Variants in STAT4 observed in about 807,000 individuals in gnomAD.
STAT4 encodes signal transducer and activator of transcription 4.
A neutral mutation model predicts 110.5 loss-of-function variants in STAT4; 42 were observed. That is an observed-to-expected ratio of 0.38 (90% CI 0.30 to 0.49). The LOEUF (loss-of-function observed/expected upper bound fraction) is 0.49. STAT4 is among the 20% of genes least tolerant of loss of function. The pLI, the probability that STAT4 is intolerant of heterozygous loss-of-function variation, is 0.95. For synonymous variants in STAT4, 284 were observed against 302.2 expected (o/e 0.94, Z 0.63); for missense variants, 632 against 887.9 (o/e 0.71, Z 3.66).
In STAT4 at chr2:191,080,898, T is replaced by C. The variant is rs150545191; in HGVS notation, c.274-4573A>G. Among the ~76,000 whole-genome samples the C allele has an allele frequency of 8.0e-3, 1,215 of 152,258 alleles. 16 individuals are homozygous for C. Among genetic ancestry groups the C allele is most frequent in the Middle Eastern group, 0.037 (11 of 294 alleles). ...TTAAGTTCTGGGATACATGTGCAGG[T>C]TTGTTACATAGGTATACATGTGCCA... On this transcript the variant is annotated intron_variant, in intron 3 of 23. Transcript: ENST00000392320.
At chr2:191,034,354 C>T (rs1381973380) in intron 18 of STAT4, among the ~76,000 whole-genome samples, 194 bp downstream of exon 18, 1 of 148,984 alleles carries the variant, frequency 6.7e-6, no homozygotes, top group Non-Finnish European at 1.5e-5. Context: ...ACCCGGGAGG[C>T]AGAGCTTGCA....
chr2:191,081,669 G>C (rs2125284090), intron 3 of STAT4, among the ~76,000 whole-genome samples: 1 of 152,070 alleles, frequency 6.6e-6, no homozygotes, highest in South Asian at 2.1e-4. Flanking sequence ...CATATCCTTT[G>C]CCCACATAAA....
chr2:191,054,662 A>G (rs1696625539), intron 13 of STAT4, 128 bp from the exon 14 acceptor site: 1 of 728,416 alleles, frequency 1.4e-6, no homozygotes, highest in Non-Finnish European at 2.3e-6. Context: ...ATATTTTCAA[A>G]CTCATTGAAA....
At position 191,043,815 on chromosome 2, in the gene STAT4, T is replaced by C. The variant is rs1381092680; in HGVS notation, c.1252-2667A>G. Among the ~76,000 whole-genome samples the C allele has an allele frequency of 1.3e-5, 2 of 152,126 alleles. No individual in the cohort carries two copies. The highest frequency in any genetic ancestry group is 2.4e-5 in the African/African-American group (1 of 41,418). On this transcript the variant is annotated intron_variant, in intron 14 of 23. Transcript: ENST00000392320. This position sits in a 1 kb window ranked among gnomAD's most constrained non-coding sequence, Gnocchi z 4.8. ...GTAGGAATGAGTCTCAGAAAATATTTTGTTGAGCAAGAAAAGCAAGTTGTG... is the reference window on the plus strand; with the variant it reads ...GTAGGAATGAGTCTCAGAAAATATTCTGTTGAGCAAGAAAAGCAAGTTGTG...
At chr2:191,118,069 T>A (rs1698618480) in intron 3 of STAT4, among the ~76,000 whole-genome samples, 1 of 152,122 alleles carries the variant, frequency 6.6e-6, no homozygotes, top group Admixed American at 6.6e-5. Context: ...ATTAAAACAC[T>A]TTATACCACT....
chr2:191,070,140 T>C (rs1347051808), intron 5 of STAT4, among the ~76,000 whole-genome samples: 3 of 152,200 alleles, frequency 2.0e-5, no homozygotes, highest in Non-Finnish European at 2.9e-5. Flanking sequence ...TACTAATGTA[T>C]CAATGATCAC....
At position 191,131,813 on chromosome 2, in the gene STAT4, C is replaced by A. The variant is rs1393651157; in HGVS notation, c.273+14800G>T. 5 of 1,387,552 alleles carry A rather than the reference C, an allele frequency of 3.6e-6. No homozygotes were observed. In the South Asian group the frequency reaches 7.1e-5, roughly 20 times the overall value. The allele number at this position is 1,387,552 out of a possible 1,614,324, so 86.0% of individuals were successfully genotyped here. A position where few individuals can be genotyped will look rare whatever the true frequency, so the allele number is the denominator to read the frequency against. ...CATCTGAATGTCCCAGGTGAAGAAG[C>A]TAAGTCCTAGGGACAAGATTTGGAC... On this transcript the variant is annotated intron_variant, in intron 3 of 23. Coordinates refer to ENST00000392320, the MANE Select transcript of STAT4 (RefSeq NM_003151.4).
At position 191,113,025 on chromosome 2, in the gene STAT4, C is replaced by T. The variant is rs960709229; in HGVS notation, c.273+33588G>A. Among the ~76,000 whole-genome samples, 2 of 152,236 alleles carry T rather than the reference C, an allele frequency of 1.3e-5. No homozygotes were observed. Among genetic ancestry groups the T allele is most frequent in the African/African-American group, 2.4e-5 (1 of 41,462 alleles). ...TCTTGCCCATCTGGGAATACTCACA[C>T]GAGTAGGGCAAGTGGGCCCATCAGT... is the stretch of plus-strand genomic sequence containing the variant. On this transcript the variant is annotated intron_variant, in intron 3 of 23. Coordinates refer to ENST00000392320, the MANE Select transcript of STAT4 (RefSeq NM_003151.4). This position sits in a 1 kb window ranked among gnomAD's most constrained non-coding sequence, Gnocchi z 4.8.
At chr2:191,094,690 C>T (rs1697910967) in intron 3 of STAT4, among the ~76,000 whole-genome samples, 1 of 151,928 alleles carries the variant, frequency 6.6e-6, no homozygotes, top group South Asian at 2.1e-4. Context: ...AACTAATGGG[C>T]AAAATAACAA....
intron 17 of STAT4, among the ~76,000 whole-genome samples, 182 bp from the exon 18 acceptor site, chr2:191,034,779 T>G (rs1695999127): frequency 6.6e-6 from 1 of 152,186 alleles, no homozygotes; most frequent in Admixed American, 6.5e-5. Context: ...CCTAAGAAAT[T>G]TATTATCTAG....
intron 3 of STAT4, among the ~76,000 whole-genome samples, chr2:191,084,261 A>G (rs1441574976): frequency 8.4e-6 from 1 of 118,914 alleles, no homozygotes; most frequent in Non-Finnish European, 1.8e-5. Context: ...GACTCCGTCT[A>G]AAAAAAAAAA....
At chr2:191,115,504 C>A (rs1377256178) in intron 3 of STAT4, among the ~76,000 whole-genome samples, 2 of 152,198 alleles carry the variant, frequency 1.3e-5, no homozygotes, top group Non-Finnish European at 2.9e-5. Context: ...CAAGACATAA[C>A]CTGTCAACCA....
Position 191,140,118 on chromosome 2 carries a change from T to C in STAT4, c.273+6495A>G, listed in dbSNP as rs796384292. On this transcript the variant is annotated intron_variant, in intron 3 of 23. Coordinates refer to ENST00000392320, the MANE Select transcript of STAT4 (RefSeq NM_003151.4). This position sits in a 1 kb window ranked among gnomAD's most constrained non-coding sequence, Gnocchi z 4.4. ...ACTCAACATGGATCAAAGATTTAAATCTAAGACCTGAAGCCATAAAAATTC... is the reference window on the plus strand; with the variant it reads ...ACTCAACATGGATCAAAGATTTAAACCTAAGACCTGAAGCCATAAAAATTC... 1.2e-4 allele frequency among the ~76,000 whole-genome samples: 19 copies of C among 152,292 alleles called. No homozygotes were observed. Among genetic ancestry groups the C allele is most frequent in the African/African-American group, 4.1e-4 (17 of 41,560 alleles).
chr2:191,097,449 C>T (rs1698024527), intron 3 of STAT4, among the ~76,000 whole-genome samples: 1 of 152,032 alleles, frequency 6.6e-6, no homozygotes, highest in Non-Finnish European at 1.5e-5. Context: ...AGAACAGAGG[C>T]CTCAGAAATA....
intron 5 of STAT4, among the ~76,000 whole-genome samples, chr2:191,070,793 T>C (rs1205928657): frequency 2.0e-5 from 3 of 152,040 alleles, no homozygotes; most frequent in Admixed American, 6.6e-5. Flanking sequence ...CTATGACTTA[T>C]TAGCTGCATG....
At chr2:191,102,198 C>T (rs1370427741) in intron 3 of STAT4, among the ~76,000 whole-genome samples, 1 of 151,998 alleles carries the variant, frequency 6.6e-6, no homozygotes, top group Admixed American at 6.6e-5. Flanking sequence ...CTTACCGTTC[C>T]AATAATGGAA....
upstream of STAT4, chr2:191,151,158 G>A: frequency 2.0e-6 from 2 of 985,474 alleles, no homozygotes; most frequent in Non-Finnish European, 2.4e-6. This position sits in a 1 kb window ranked among gnomAD's most constrained non-coding sequence, Gnocchi z 4.7. Flanking sequence ...ATGCTAACAC[G>A]CAGAAACTGC....
rs138779734 is a variant in STAT4 at position 191,112,670 on chromosome 2, A to G, written c.273+33943T>C. 4.6e-5 allele frequency among the ~76,000 whole-genome samples: 7 copies of G among 152,304 alleles called. No homozygotes were observed. The highest frequency in any genetic ancestry group is 3.9e-4 in the East Asian group (2 of 5,184). Reference sequence around the variant, plus strand: ...CCCAAGTACGACCTCATTTTTGACAACTTTGTGAGGTGTTATTATTACTCC... The same window carrying G: ...CCCAAGTACGACCTCATTTTTGACAGCTTTGTGAGGTGTTATTATTACTCC... On this transcript the variant is annotated intron_variant, in intron 3 of 23. Transcript: ENST00000392320. The surrounding 1 kb of genome is among the most constrained non-coding windows in gnomAD (Gnocchi z 4.3).
chr2:191,126,170 T>A (rs1363264755), intron 3 of STAT4, among the ~76,000 whole-genome samples: 1 of 152,208 alleles, frequency 6.6e-6, no homozygotes, highest in African/African-American at 2.4e-5. Context: ...TTGCTCCCAT[T>A]TTTATGCTTT....
Sources: allele counts gnomAD v4.1 joint callset (sites outside exome capture counted in the v4.1 genomes callset), GRCh38; gene constraint gnomAD v4.1.1; non-coding constraint Gnocchi (gnomAD v3.1); transcripts MANE v1.5; gene names NCBI Gene and HGNC (gene_info 2026-07-23, HGNC 2026-07-21).